The following HPSE2 variants were observed in gnomAD, a reference collection of about 807,000 sequenced individuals.
HPSE2 encodes the protein inactive heparanase-2.
A neutral mutation model predicts 60.5 loss-of-function variants in HPSE2; 38 were observed. The ratio of observed to expected loss-of-function variants is 0.63; its 90% CI spans 0.48 to 0.82. The LOEUF (loss-of-function observed/expected upper bound fraction) is 0.82, where lower values mean the gene tolerates loss of function less well. Ranked by LOEUF, HPSE2 falls within the 40% of genes least tolerant of loss-of-function variation. HPSE2 has a pLI of 0.00. For synonymous variants in HPSE2, 295 were observed against 293.2 expected, an observed-to-expected ratio of 1.01 and a Z score of -0.06; for missense variants, 713 against 740.4, an observed-to-expected ratio of 0.96 and a Z score of 0.43.
At chr10:98,872,768 T>C (rs1952768305) in intron 3 of HPSE2, among the ~76,000 whole-genome samples, 1 of 152,154 alleles carries the variant, frequency 6.6e-6, no homozygotes, top group African/African-American at 2.4e-5. Flanking sequence ...CAGCAAGTTC[T>C]AGATATTATT....
chr10:98,789,510 T>C (rs1212567648), intron 3 of HPSE2, among the ~76,000 whole-genome samples: 1 of 152,216 alleles, frequency 6.6e-6, no homozygotes, highest in Non-Finnish European at 1.5e-5. Flanking sequence ...GCCAAACTGG[T>C]AGAAAACTGT....
At chr10:98,703,472 A>G (rs1432058636) in intron 5 of HPSE2, among the ~76,000 whole-genome samples, 1 of 69,314 alleles carries the variant, frequency 1.4e-5, no homozygotes, top group Non-Finnish European at 4.1e-5. Flanking sequence ...TGGCAGAGAC[A>G]CAACAAAAAA....
At chr10:98,872,049 C>CT (rs1194292236) in intron 3 of HPSE2, among the ~76,000 whole-genome samples, 1 of 152,018 alleles carries the variant, frequency 6.6e-6, no homozygotes, top group Non-Finnish European at 1.5e-5. Flanking sequence ...AGGATAAATC[C>CT]TTTTTTTCTT....
intron 11 of HPSE2, among the ~76,000 whole-genome samples, chr10:98,478,072 C>T (rs918871666): frequency 5.3e-5 from 8 of 152,182 alleles, no homozygotes; most frequent in Non-Finnish European, 1.2e-4. Flanking sequence ...GGGACCACTG[C>T]CCTAGAGGAC....
intron 3 of HPSE2, among the ~76,000 whole-genome samples, chr10:98,831,103 T>C (rs1951673258): frequency 6.6e-6 from 1 of 152,132 alleles, no homozygotes; most frequent in African/African-American, 2.4e-5. Context: ...AAATTTTAAA[T>C]ATGGGAGGGT....
chr10:99,274,412 A>C, the HPSE2 span, among the ~76,000 whole-genome samples: 1 of 152,184 alleles, frequency 6.6e-6, no homozygotes, highest in Admixed American at 6.5e-5. Context: ...AACTTAAAAT[A>C]AAATAAAGTA....
At position 98,696,364 on chromosome 10, in the gene HPSE2, T is replaced by C. The variant is rs138988653; in HGVS notation, c.957-2417A>G. Among the ~76,000 whole-genome samples, 121 of 150,258 alleles carry C rather than the reference T, an allele frequency of 8.1e-4. 4 individuals carry two copies. The East Asian group carries it at 0.023, about 29-fold the overall frequency. Reference sequence around the variant, plus strand: ...TGCACCAACAACCAAGGTATTCAGTTTCTGTCATCAGAACTGACTAGGCAG... The same window carrying C: ...TGCACCAACAACCAAGGTATTCAGTCTCTGTCATCAGAACTGACTAGGCAG... On this transcript the variant is annotated intron_variant, in intron 5 of 11. Transcript: ENST00000370552.
chr10:99,169,452 C>T (rs1230815652), intron 2 of HPSE2, among the ~76,000 whole-genome samples: 6 of 119,482 alleles, frequency 5.0e-5, no homozygotes, highest in African/African-American at 2.0e-4. Flanking sequence ...TTGCAGTGAG[C>T]CAAGATGGCA....
At chr10:98,543,970 C>A (rs1366235956) in intron 9 of HPSE2, among the ~76,000 whole-genome samples, 2 of 148,242 alleles carry the variant, frequency 1.3e-5, no homozygotes, top group Non-Finnish European at 3.0e-5. Flanking sequence ...CAGCTCTGCA[C>A]CAAGCAGACC....
intron 3 of HPSE2, among the ~76,000 whole-genome samples, chr10:98,777,593 G>T (rs1459123705): frequency 6.6e-6 from 1 of 151,936 alleles, no homozygotes; most frequent in African/African-American, 2.4e-5. Context: ...GTTGAGTCTT[G>T]GTTTCTCTTC....
chr10:99,116,963 G>A (rs1235398684), intron 3 of HPSE2, among the ~76,000 whole-genome samples: 3 of 151,872 alleles, frequency 2.0e-5, no homozygotes, highest in Non-Finnish European at 4.4e-5. Flanking sequence ...ACAGAATAGC[G>A]ACAATCCCTA....
rs191194763 is a variant in HPSE2, at chr10:98,638,189, T to C, written c.1098+3658A>G. On this transcript the variant is annotated intron_variant, in intron 7 of 11. Coordinates refer to ENST00000370552, the MANE Select transcript of HPSE2 (RefSeq NM_021828.5). ...GGCTGGGTGCAGTGGCTCACGCCTG[T>C]AATCCCAGCACTTTGGGAGGCTGAG... Among the ~76,000 whole-genome samples the C allele has an allele frequency of 7.1e-3, 978 of 137,872 alleles. 8 individuals are homozygous for C. Among genetic ancestry groups the C allele is most frequent in the South Asian group, 0.027 (120 of 4,394 alleles). The allele number at this position is 137,872 out of a possible 152,430, so 90.4% of individuals were successfully genotyped here.
At chr10:99,145,566 C>A (rs1197322501) in intron 2 of HPSE2, among the ~76,000 whole-genome samples, 1 of 151,314 alleles carries the variant, frequency 6.6e-6, no homozygotes, top group Admixed American at 6.6e-5. Flanking sequence ...AACTGATTCT[C>A]ATAGGTACAA....
intron 9 of HPSE2, among the ~76,000 whole-genome samples, chr10:98,500,370 A>G (rs1358995408): frequency 6.6e-6 from 1 of 152,204 alleles, no homozygotes. Context: ...CTCCAAAAGG[A>G]ATCTTCAAAA....
chr10:98,985,649 C>T (rs1214884389), intron 3 of HPSE2, among the ~76,000 whole-genome samples: 3 of 152,084 alleles, frequency 2.0e-5, no homozygotes, highest in Non-Finnish European at 2.9e-5. Flanking sequence ...CAATATTAAC[C>T]TTAAATGTAA....
chr10:98,498,294 G>C (rs911500784), intron 9 of HPSE2, among the ~76,000 whole-genome samples: 1 of 152,118 alleles, frequency 6.6e-6, no homozygotes, highest in African/African-American at 2.4e-5. Flanking sequence ...CATGGCTGAG[G>C]GACCCATAGA....
chr10:98,936,978 CA>C lies in HPSE2; in HGVS notation c.611-192923del, dbSNP rs1214450704. On this transcript the variant is annotated intron_variant, in intron 3 of 11. Coordinates refer to ENST00000370552, the MANE Select transcript of HPSE2 (RefSeq NM_021828.5). ...TGGGCGACAGTAGGAGACTCCATCT[CA>C]AAAAAAAAAAAAAAAAAAAAAAAAA... Among the ~76,000 whole-genome samples the C allele has an allele frequency of 9.7e-3, 300 of 30,964 alleles. 3 individuals carry two copies. The highest frequency in any genetic ancestry group is 0.016 in the East Asian group (17 of 1,036). 20.3% of individuals were successfully genotyped at this position (30,964 alleles called of 152,430 possible). A position where few individuals can be genotyped will look rare whatever the true frequency, so the allele number is the denominator to read the frequency against.
In HPSE2 at chr10:99,017,516, G is replaced by T. The variant is rs551765062; in HGVS notation, c.610+126722C>A. Among the ~76,000 whole-genome samples, 138 of 152,114 alleles carry T rather than the reference G, an allele frequency of 9.1e-4. 1 individual carries two copies. Among genetic ancestry groups the T allele is most frequent in the Non-Finnish European group, 1.8e-3 (122 of 68,018 alleles). ...TTTGTTGGATCTCTGCCAGGTTTTG[G>T]TATTAGGATGATGCCGGCCTTATAG... is the stretch of plus-strand genomic sequence containing the variant. On this transcript the variant is annotated intron_variant, in intron 3 of 11. Transcript: ENST00000370552.
At chr10:99,144,097 T>C (rs1845963441) in intron 3 of HPSE2, 141 bp downstream of exon 3, 2 of 866,344 alleles carry the variant, frequency 2.3e-6, no homozygotes, top group African/African-American at 1.7e-5. Context: ...ATCTGCAAAC[T>C]ACAAGGAATA....
Sources: allele counts gnomAD v4.1 joint callset (sites outside exome capture counted in the v4.1 genomes callset), GRCh38; gene constraint gnomAD v4.1.1; transcripts MANE v1.5; gene names NCBI Gene and HGNC (gene_info 2026-07-23, HGNC 2026-07-21).